LAMA3: variants seen among roughly 807,000 people sequenced by gnomAD.
LAMA3 encodes laminin subunit alpha 3, also known as laminin subunit alpha-3.
A neutral mutation model predicts 402.0 loss-of-function variants in LAMA3; 281 were observed. The observed-to-expected ratio is 0.70, with a 90% CI of 0.63 to 0.77. The LOEUF is 0.77. Ranked by LOEUF, LAMA3 falls within the 30% of genes least tolerant of loss-of-function variation. LAMA3 has a pLI of 0.00. For missense variants in LAMA3, 3,840 were observed against 4,215.5 expected (o/e 0.91, Z 2.47); for synonymous variants, 1,431 against 1,558.4 (o/e 0.92, Z 1.93).
intron 25 of LAMA3, among the ~76,000 whole-genome samples, chr18:23,837,868 T>C (rs183898650): frequency 1.3e-5 from 2 of 152,224 alleles, no homozygotes; most frequent in Admixed American, 1.3e-4. Context: ...TTGTGCCTGA[T>C]AGTATTAAAA....
Position 23,905,664 on chromosome 18 carries a change from C to T in LAMA3, c.6718+40C>T, listed in dbSNP as rs942295779. On this transcript the variant is annotated intron_variant, in intron 52 of 74. Transcript: ENST00000313654. ...GGGCAATGGCAGGGATAGTCAGGAGCTTTAAATGACCTCTGGGACCAGGTG... is the reference window on the plus strand; with the variant it reads ...GGGCAATGGCAGGGATAGTCAGGAGTTTTAAATGACCTCTGGGACCAGGTG... The T allele has an allele frequency of 5.1e-6, 6 of 1,185,770 alleles. No homozygotes were observed. The African/African-American group carries it at 6.0e-5, about 12-fold the overall frequency. 73.5% of individuals were successfully genotyped at this position (1,185,770 alleles called of 1,614,324 possible).
Position 23,890,190 on chromosome 18 carries a change from C to T in LAMA3, c.5410+73C>T, listed in dbSNP as rs8097167. ...TAACTTAACAGCCTAAGAACCCAAG[C>T]ACACATCTTCAGGATGCATAATACA... On this transcript the variant is annotated intron_variant, in intron 42 of 74. Coordinates refer to ENST00000313654, the MANE Select transcript of LAMA3 (RefSeq NM_198129.4). The T allele has an allele frequency of 9.7e-3, 9,343 of 961,284 alleles. 519 individuals carry two copies. The African/African-American group carries it at 0.13, about 13-fold the overall frequency. The allele number at this position is 961,284 out of a possible 1,614,324, so 59.5% of individuals were successfully genotyped here.
At position 23,767,556 on chromosome 18, in the gene LAMA3, T is replaced by G. The variant is rs938836605; in HGVS notation, c.1182+4033T>G. ...AAAAATAAGCAATGAGGAAAGGACT[T>G]TTTTTCTTTTTTCTTTCTTTTCTTT... On this transcript the variant is annotated intron_variant, in intron 8 of 74. Transcript: ENST00000313654. 2.7e-5 allele frequency among the ~76,000 whole-genome samples: 4 copies of G among 147,194 alleles called. No individual in the cohort carries two copies. The Admixed American group carries it at 2.8e-4, about 10-fold the overall frequency.
chr18:23,798,695 G>A (rs139227411), intron 12 of LAMA3, among the ~76,000 whole-genome samples: 44 of 152,342 alleles, frequency 2.9e-4, no homozygotes, highest in African/African-American at 9.4e-4. Flanking sequence ...GGTCAGAAAA[G>A]GCTAAGGATT....
intron 13 of LAMA3, among the ~76,000 whole-genome samples, chr18:23,812,165 T>C (rs147373787): frequency 3.3e-5 from 5 of 152,064 alleles, no homozygotes; most frequent in Admixed American, 6.6e-5. Context: ...GAGCCACCAC[T>C]CCCAGCCTCT....
Position 23,898,964 on chromosome 18 carries a change from A to G in LAMA3, c.5735A>G (p.Asn1912Ser), listed in dbSNP as rs1344760522. The G allele has an allele frequency of 1.2e-6, 2 of 1,613,718 alleles. No homozygotes were observed. The highest frequency in any genetic ancestry group is 2.2e-5 in the South Asian group (2 of 91,070). The stretch of plus-strand genomic sequence containing the variant: ...TTATTTTTCATATAGGCTCAAGTAA[A>G]TTCCAGAAAAGCACAAACATTAAAC... ...FETLQEKAQV[N>S]SRKAQTLNNN... is the part of the protein sequence containing the mutation. The change falls in exon 46 of 75, where the codon AAT (asparagine) becomes AGT (serine). Residue 1912 changes from asparagine (N) to serine (S), a missense_variant. Transcript: ENST00000313654.
rs548344963 is a variant in LAMA3 at position 23,912,716 on chromosome 18, T to C, written c.7164T>C (p.Ala2388=). 15 of 1,613,670 alleles carry C rather than the reference T, an allele frequency of 9.3e-6. No individual in the cohort carries two copies. In the Admixed American group the frequency reaches 1.7e-4, roughly 18 times the overall value. ...ATGTAACTTACTCCTCACAGGTTGC[T>C]GTCCCCATGAGGTTCAATGGTAAAT... is the stretch of plus-strand genomic sequence containing the variant. ...QQARDAASKV[A]VPMRFNGKSG... The change falls in exon 56 of 75, where the codon GCT becomes GCC. Residue 2388 remains alanine (A), a synonymous_variant. Transcript: ENST00000313654.
chr18:23,926,650 GA>G (rs1482803194), intron 62 of LAMA3, among the ~76,000 whole-genome samples: 2 of 152,224 alleles, frequency 1.3e-5, no homozygotes, highest in African/African-American at 4.8e-5. Flanking sequence ...GATTTAGAAT[GA>G]AATCAGCTTT....
At chr18:23,864,299 T>A (rs192762217) in intron 35 of LAMA3, among the ~76,000 whole-genome samples, 1 of 151,776 alleles carries the variant, frequency 6.6e-6, no homozygotes, top group Non-Finnish European at 1.5e-5. Context: ...CAATAATAGC[T>A]CACTGCAGCC....
At chr18:23,764,276 A>C (rs2062032067) in intron 8 of LAMA3, among the ~76,000 whole-genome samples, 1 of 152,212 alleles carries the variant, frequency 6.6e-6, no homozygotes, top group Non-Finnish European at 1.5e-5. Flanking sequence ...TATTGCAGAT[A>C]ATTAAAATAT....
intron 60 of LAMA3, among the ~76,000 whole-genome samples, chr18:23,917,888 A>C (rs952522863): frequency 1.3e-5 from 2 of 151,832 alleles, no homozygotes; most frequent in African/African-American, 4.8e-5. Context: ...CTATTTGTCA[A>C]TTTTTGTTTT....
intron 32 of LAMA3, among the ~76,000 whole-genome samples, 167 bp downstream of exon 32, chr18:23,847,835 G>T (rs1164990965): frequency 6.6e-6 from 1 of 152,238 alleles, no homozygotes; most frequent in African/African-American, 2.4e-5. Context: ...TGGAGTGATT[G>T]GTCCCTTAGG....
intron 1 of LAMA3, among the ~76,000 whole-genome samples, chr18:23,695,942 C>A (rs551942812): frequency 6.6e-6 from 1 of 150,706 alleles, no homozygotes; most frequent in African/African-American, 2.4e-5. Flanking sequence ...TGGTGCATAC[C>A]TGTGAGCCTT....
At chr18:23,921,328 C>T (rs1009813985) in intron 61 of LAMA3, 124 bp from the exon 62 acceptor site, 18 of 1,065,372 alleles carry the variant, frequency 1.7e-5, no homozygotes, top group Non-Finnish European at 2.3e-5. Context: ...CTGCTCAGAG[C>T]CTTCCTACTA....
At chr18:23,765,766 G>A (rs893066282) in intron 8 of LAMA3, among the ~76,000 whole-genome samples, 2 of 152,064 alleles carry the variant, frequency 1.3e-5, no homozygotes, top group South Asian at 4.2e-4. Context: ...AATAAAAACT[G>A]TAAAAGGATC....
rs751092034 is a variant in LAMA3 at position 23,845,131 on chromosome 18, A to G, written c.3719+7A>G. Reference sequence around the variant, plus strand: ...AAAACAGCTTTTACCTTGAGTGAGTATCACTTTGTGGGAAGGCTCTGGAAT... The same window carrying G: ...AAAACAGCTTTTACCTTGAGTGAGTGTCACTTTGTGGGAAGGCTCTGGAAT... On this transcript the variant is annotated splice_region_variant and intron_variant, in intron 30 of 74. Coordinates refer to ENST00000313654, the MANE Select transcript of LAMA3 (RefSeq NM_198129.4). The G allele has an allele frequency of 6.7e-7, 1 of 1,502,006 alleles. No homozygotes were observed. Among genetic ancestry groups the G allele is most frequent in the East Asian group, 2.3e-5 (1 of 44,356 alleles). 93.0% of individuals were successfully genotyped at this position (1,502,006 alleles called of 1,614,324 possible).
intron 2 of LAMA3, among the ~76,000 whole-genome samples, chr18:23,723,706 T>A (rs1241619893): frequency 6.6e-6 from 1 of 152,082 alleles, no homozygotes; most frequent in Non-Finnish European, 1.5e-5. Context: ...AATTGGATGG[T>A]CTAACGAATG....
intron 54 of LAMA3, among the ~76,000 whole-genome samples, chr18:23,908,514 A>T (rs1359267532): frequency 6.9e-6 from 1 of 144,250 alleles, no homozygotes; most frequent in Non-Finnish European, 1.5e-5. Context: ...TGGACGACAG[A>T]GCGAGACTCC....
chr18:23,834,122 T>C, intron 24 of LAMA3, 134 bp downstream of exon 24: 4 of 988,038 alleles, frequency 4.0e-6, no homozygotes, highest in South Asian at 2.6e-5. Context: ...AGGTGACTAG[T>C]TGTGTGGCCC....
Sources: allele counts gnomAD v4.1 joint callset (sites outside exome capture counted in the v4.1 genomes callset), GRCh38; gene constraint gnomAD v4.1.1; transcripts MANE v1.5; gene names NCBI Gene and HGNC (gene_info 2026-07-23, HGNC 2026-07-21).